Variants in CACNA2D3 observed in about 807,000 individuals in gnomAD.
CACNA2D3 encodes the protein calcium voltage-gated channel auxiliary subunit alpha2delta 3.
In CACNA2D3, 60 loss-of-function variants were observed where a neutral mutation model predicts 160.6. The ratio of observed to expected loss-of-function variants is 0.37; its 90% CI spans 0.30 to 0.46. The LOEUF is 0.46. Among genes scored for constraint, CACNA2D3 ranks in the 20% least tolerant of loss-of-function variants. CACNA2D3 has a pLI of 1.00. For synonymous variants in CACNA2D3, 558 were observed against 492.9 expected (o/e 1.13, Z -1.75); for missense variants, 1,205 against 1,365.0 (o/e 0.88, Z 1.85).
intron 2 of CACNA2D3, among the ~76,000 whole-genome samples, chr3:54,208,586 G>A (rs1419284495): frequency 6.6e-6 from 1 of 152,158 alleles, no homozygotes; most frequent in Non-Finnish European, 1.5e-5. Flanking sequence ...GTCCCTGTGT[G>A]GCCTTACCAG....
intron 4 of CACNA2D3, among the ~76,000 whole-genome samples, chr3:54,465,819 G>A (rs1700613453): frequency 6.6e-6 from 1 of 152,190 alleles, no homozygotes; most frequent in Admixed American, 6.5e-5. Flanking sequence ...AGAAGTCTGG[G>A]TGGGCTTGGC....
intron 5 of CACNA2D3, among the ~76,000 whole-genome samples, chr3:54,561,017 T>C (rs988148231): frequency 6.6e-6 from 1 of 152,260 alleles, no homozygotes; most frequent in Non-Finnish European, 1.5e-5. Flanking sequence ...CTGTGATGCC[T>C]CTAGCTTTAT....
chr3:54,774,323 G>A (rs982173035), intron 13 of CACNA2D3, among the ~76,000 whole-genome samples: 2 of 152,158 alleles, frequency 1.3e-5, no homozygotes, highest in African/African-American at 4.8e-5. Context: ...GGCTGAGGAG[G>A]CCTCAGGAAA....
At chr3:54,245,314 T>C (rs1217864436) in intron 2 of CACNA2D3, among the ~76,000 whole-genome samples, 2 of 152,086 alleles carry the variant, frequency 1.3e-5, no homozygotes, top group African/African-American at 4.8e-5. Context: ...TATGGGTGTG[T>C]GTGTGTGTGT....
intron 3 of CACNA2D3, among the ~76,000 whole-genome samples, chr3:54,323,932 A>C (rs1314806728): frequency 6.6e-6 from 1 of 152,044 alleles, no homozygotes; most frequent in African/African-American, 2.4e-5. Flanking sequence ...GTGTTTTCCT[A>C]GTGTGAATCA....
intron 18 of CACNA2D3, chr3:54,878,751 C>T (rs1699722347): frequency 6.7e-6 from 2 of 298,398 alleles, no homozygotes; most frequent in African/African-American, 2.2e-5. Flanking sequence ...CGCTCTGACC[C>T]CCGGGATTCA....
intron 11 of CACNA2D3, among the ~76,000 whole-genome samples, chr3:54,709,549 A>T (rs1345751315): frequency 1.3e-5 from 2 of 151,916 alleles, no homozygotes; most frequent in African/African-American, 4.8e-5. Flanking sequence ...TTTTGTAGAG[A>T]CAGGGTCTCA....
intron 3 of CACNA2D3, among the ~76,000 whole-genome samples, chr3:54,364,055 G>A (rs1698788511): frequency 6.6e-6 from 1 of 152,124 alleles, no homozygotes; most frequent in African/African-American, 2.4e-5. Context: ...GAACATTATG[G>A]CGCCTGAGCC....
At chr3:54,275,309 A>C (rs1186562436) in intron 2 of CACNA2D3, among the ~76,000 whole-genome samples, 2 of 152,158 alleles carry the variant, frequency 1.3e-5, no homozygotes, top group Non-Finnish European at 2.9e-5. Flanking sequence ...CCCCTCCCCT[A>C]GGCAGGGAGT....
intron 9 of CACNA2D3, among the ~76,000 whole-genome samples, chr3:54,617,040 A>G (rs17815617): frequency 0.17 from 25,725 of 152,144 alleles, 2,872 homozygotes; most frequent in Non-Finnish European, 0.24. Context: ...AACTTTTAAG[A>G]AGCATATTGT....
chr3:54,876,508 C>T (rs1019492870), intron 18 of CACNA2D3, among the ~76,000 whole-genome samples: 3 of 152,200 alleles, frequency 2.0e-5, no homozygotes, highest in Non-Finnish European at 4.4e-5. Context: ...CAGACTATGA[C>T]GTGGTCAATT....
chr3:54,270,101 C>T (rs1575356892), intron 2 of CACNA2D3, among the ~76,000 whole-genome samples: 1 of 152,148 alleles, frequency 6.6e-6, no homozygotes, highest in South Asian at 2.1e-4. Flanking sequence ...GATGCTTAGG[C>T]GTGAAAGCGT....
chr3:54,612,929 T>A (rs187507377), intron 9 of CACNA2D3, among the ~76,000 whole-genome samples: 242 of 152,284 alleles, frequency 1.6e-3, no homozygotes, highest in Admixed American at 3.8e-3. Flanking sequence ...GGGGCCCCTG[T>A]ATTTGCTGTG....
At chr3:54,755,260 T>TG (rs1435532147) in intron 12 of CACNA2D3, among the ~76,000 whole-genome samples, 2 of 151,964 alleles carry the variant, frequency 1.3e-5, no homozygotes. Flanking sequence ...CCTGCTGAAT[T>TG]GGGGGTGGGC....
intron 2 of CACNA2D3, among the ~76,000 whole-genome samples, chr3:54,153,674 A>G (rs1406334171): frequency 1.3e-5 from 2 of 152,254 alleles, no homozygotes; most frequent in African/African-American, 4.8e-5. Context: ...ACTCACAAGA[A>G]GTATATTTGC....
At chr3:54,888,266 A>G (rs1224032059) in intron 24 of CACNA2D3, among the ~76,000 whole-genome samples, 1 of 152,188 alleles carries the variant, frequency 6.6e-6, no homozygotes, top group Non-Finnish European at 1.5e-5. Context: ...TTGAGTTTTA[A>G]CGTTACATGA....
In CACNA2D3 at chr3:54,519,228, A is replaced by G. The variant is rs145472637; in HGVS notation, c.544+15574A>G. 6.6e-5 allele frequency among the ~76,000 whole-genome samples: 10 copies of G among 152,354 alleles called. No homozygotes were observed. The East Asian group carries it at 1.7e-3, about 26-fold the overall frequency. On this transcript the variant is annotated intron_variant, in intron 5 of 37. Transcript: ENST00000474759. ...GTCATCACTGAGAAAGAGGCTCCCC[A>G]GGGACTGGTTTCTAAGATGAGAGGT...
chr3:54,943,515 A>C (rs571768514), intron 27 of CACNA2D3, among the ~76,000 whole-genome samples: 68 of 152,192 alleles, frequency 4.5e-4, no homozygotes, highest in Non-Finnish European at 9.0e-4. Flanking sequence ...ATATATTATT[A>C]GGACAATCTA....
At chr3:54,806,332 G>T (rs1703122206) in intron 13 of CACNA2D3, among the ~76,000 whole-genome samples, 1 of 152,100 alleles carries the variant, frequency 6.6e-6, no homozygotes, top group South Asian at 2.1e-4. Flanking sequence ...ATCTCCTTAA[G>T]CTGATAAGCA....
Sources: gnomAD v4.1 joint callset for allele counts (sites outside exome capture counted in the v4.1 genomes callset) on GRCh38, gnomAD v4.1.1 for gene constraint, MANE v1.5 for transcripts, NCBI Gene and HGNC (gene_info 2026-07-23, HGNC 2026-07-21) for gene names.